LRRK1: variants seen among roughly 807,000 people sequenced by gnomAD.
LRRK1 encodes leucine-rich repeat serine/threonine-protein kinase 1.
Under a neutral mutation model 209.1 loss-of-function variants are expected in LRRK1, and 113 were observed. That is an observed-to-expected ratio of 0.54 (90% confidence interval 0.46 to 0.63). The LOEUF (loss-of-function observed/expected upper bound fraction) is 0.63, where lower values mean the gene tolerates loss of function less well. Ranked by LOEUF, LRRK1 falls within the 30% of genes least tolerant of loss-of-function variation. The pLI is 0.00. For missense variants in LRRK1, 2,284 were observed against 2,632.2 expected, an observed-to-expected ratio of 0.87 and a Z score of 2.89; for synonymous variants, 1,144 against 1,099.7, an observed-to-expected ratio of 1.04 and a Z score of -0.80.
chr15:101,010,927 A>G (rs1377828769), intron 9 of LRRK1, 90 bp downstream of exon 9: 2 of 1,253,388 alleles, frequency 1.6e-6, no homozygotes, highest in Admixed American at 2.4e-5. Flanking sequence ...ATGTCAGTTC[A>G]TCCCCTCAGC....
rs1256539031 is a variant in LRRK1 at position 100,941,460 on chromosome 15, G to GTC, written c.97+16735_97+16736dup. On this transcript the variant is annotated intron_variant, in intron 2 of 33. Transcript: ENST00000388948. ...TGTGTGTGTGTCTGTGTGTGTCTAT[G>GTC]TCTCTGTGTGTGTGTGTGTGTGTGT... Among the ~76,000 whole-genome samples, 17 of 74,674 alleles carry GTC rather than the reference G, an allele frequency of 2.3e-4. 1 individual carries two copies. Among genetic ancestry groups the GTC allele is most frequent in the South Asian group, 1.4e-3 (3 of 2,218 alleles). 49.0% of individuals were successfully genotyped at this position (74,674 alleles called of 152,430 possible).
At chr15:100,979,345 A>G (rs1220744856) in intron 3 of LRRK1, among the ~76,000 whole-genome samples, 2 of 152,204 alleles carry the variant, frequency 1.3e-5, no homozygotes. Context: ...CATTCTCAAT[A>G]TAATACTGCA....
At chr15:100,992,547 G>A (rs2032201090) in intron 6 of LRRK1, among the ~76,000 whole-genome samples, 1 of 152,166 alleles carries the variant, frequency 6.6e-6, no homozygotes. Context: ...ACAAGGAACT[G>A]TCAAGGAACT....
chr15:101,044,639 TTC>T lies in LRRK1; in HGVS notation c.2964-1340_2964-1339del, dbSNP rs1216219177. Among the ~76,000 whole-genome samples, 11 of 152,328 alleles carry T rather than the reference TTC, an allele frequency of 7.2e-5. 1 individual carries two copies. The highest frequency in any genetic ancestry group is 5.9e-4 in the Admixed American group (9 of 15,304). On this transcript the variant is annotated intron_variant, in intron 20 of 33. Coordinates refer to ENST00000388948, the MANE Select transcript of LRRK1 (RefSeq NM_024652.6). ...CCTCAAAAACATCATGGAGCACCTC[TTC>T]TGTGTGCCACCGCACATCGTGCTGG...
At chr15:100,972,355 AGAGAGAGAGTGTGTGTGTGTGTGT>A (rs1412205999) in intron 2 of LRRK1, among the ~76,000 whole-genome samples, 4,228 of 134,124 alleles carry the variant, frequency 0.032, 83 homozygotes, top group South Asian at 0.065. Flanking sequence ...AGAGAGAGAG[AGAGAGAGAGTGTGTGTGTGTGTGT>A]GTGTGTGTGT....
rs1369548002 is a variant in LRRK1 at position 101,022,676 on chromosome 15, G to C, written c.2067+79G>C. On this transcript the variant is annotated intron_variant, in intron 15 of 33. Coordinates refer to ENST00000388948, the MANE Select transcript of LRRK1 (RefSeq NM_024652.6). This position sits in a 1 kb window ranked among gnomAD's most constrained non-coding sequence, Gnocchi z 4.0. Reference sequence around the variant, plus strand: ...ACTCCTTCTCCCTTCTCCCCAGAGAGCCCAGGATTTTCTCAGCCTGGTGTC... The same window carrying C: ...ACTCCTTCTCCCTTCTCCCCAGAGACCCCAGGATTTTCTCAGCCTGGTGTC... 1.9e-6 allele frequency: 2 copies of C among 1,072,018 alleles called. No homozygotes were observed. The highest frequency in any genetic ancestry group is 2.7e-6 in the Non-Finnish European group (2 of 750,448). 66.4% of individuals were successfully genotyped at this position (1,072,018 alleles called of 1,614,324 possible). A position where few individuals can be genotyped will look rare whatever the true frequency, so the allele number is the denominator to read the frequency against.
Position 101,013,406 on chromosome 15 carries a change from G to A in LRRK1, c.1420-910G>A, listed in dbSNP as rs893164702. Among the ~76,000 whole-genome samples, 5 of 152,098 alleles carry A rather than the reference G, an allele frequency of 3.3e-5. No individual in the cohort carries two copies. The South Asian group carries it at 1.0e-3, about 32-fold the overall frequency. On this transcript the variant is annotated intron_variant, in intron 10 of 33. Coordinates refer to ENST00000388948, the MANE Select transcript of LRRK1 (RefSeq NM_024652.6). The stretch of plus-strand genomic sequence containing the variant: ...TGGCTGTGGTGATGTCCTCAAGCAG[G>A]GAGATAGCATGTCTAAGGTACTCCT...
At chr15:100,958,261 C>A (rs1286179435) in intron 2 of LRRK1, among the ~76,000 whole-genome samples, 5 of 152,182 alleles carry the variant, frequency 3.3e-5, no homozygotes, top group African/African-American at 7.2e-5. Context: ...AGGGAACTAT[C>A]AGAGTAAACA....
intron 2 of LRRK1, among the ~76,000 whole-genome samples, chr15:100,938,598 C>T (rs1567188917): frequency 6.6e-6 from 1 of 151,770 alleles, no homozygotes. Flanking sequence ...AATCTGCATC[C>T]ATGTAAACCC....
chr15:101,054,722 G>T (rs1204563609), intron 26 of LRRK1, among the ~76,000 whole-genome samples: 1 of 152,168 alleles, frequency 6.6e-6, no homozygotes, highest in Non-Finnish European at 1.5e-5. Context: ...TGAGGCAGGA[G>T]AACTGCTTGA....
chr15:101,037,766 A>T (rs1179717111), intron 20 of LRRK1, among the ~76,000 whole-genome samples: 2 of 152,160 alleles, frequency 1.3e-5, no homozygotes. Context: ...GGGCTCCCGG[A>T]CAGTACACAG....
chr15:100,996,627 G>T (rs1006849136), intron 6 of LRRK1, among the ~76,000 whole-genome samples: 9 of 152,216 alleles, frequency 5.9e-5, no homozygotes, highest in African/African-American at 1.4e-4. Context: ...CTGTGGAATA[G>T]GAGACAAATG....
chr15:100,990,693 G>A (rs1038307964), intron 6 of LRRK1, among the ~76,000 whole-genome samples: 4 of 129,468 alleles, frequency 3.1e-5, no homozygotes, highest in Non-Finnish European at 6.2e-5. Flanking sequence ...CTAAAGGATT[G>A]TTTGTCTTTT....
chr15:101,027,905 T>C lies in LRRK1; in HGVS notation c.2686+108T>C. The C allele has an allele frequency of 9.8e-7, 1 of 1,018,608 alleles. No individual in the cohort carries two copies. The highest frequency in any genetic ancestry group is 1.4e-6 in the Non-Finnish European group (1 of 708,054). The allele number at this position is 1,018,608 out of a possible 1,614,324, so 63.1% of individuals were successfully genotyped here. On this transcript the variant is annotated intron_variant, in intron 19 of 33. Coordinates refer to ENST00000388948, the MANE Select transcript of LRRK1 (RefSeq NM_024652.6). The surrounding 1 kb of genome is among the most constrained non-coding windows in gnomAD (Gnocchi z 5.1). The stretch of plus-strand genomic sequence containing the variant: ...ATGAATGAGAGACCGACACCCAGCC[T>C]GCGTTTCTGCCTTCCATCCCCCTCC...
intron 33 of LRRK1, among the ~76,000 whole-genome samples, 155 bp downstream of exon 33, chr15:101,066,896 G>A (rs2036559158): frequency 6.6e-6 from 1 of 152,210 alleles, no homozygotes; most frequent in African/African-American, 2.4e-5. Context: ...AACAAGATGG[G>A]GCCCCTCAGA....
intron 2 of LRRK1, 146 bp from the exon 3 acceptor site, chr15:100,973,658 G>A (rs2031092516): frequency 1.2e-6 from 1 of 825,464 alleles, no homozygotes. Context: ...AGCGCAGGGA[G>A]CGTCGCGGGG....
intron 2 of LRRK1, among the ~76,000 whole-genome samples, chr15:100,965,076 C>A (rs1009411621): frequency 1.3e-5 from 2 of 152,342 alleles, no homozygotes; most frequent in South Asian, 4.1e-4. Context: ...GAACAGTGAG[C>A]TGCCTGCCGT....
chr15:100,938,948 C>T (rs1008900102), intron 2 of LRRK1, among the ~76,000 whole-genome samples: 3 of 145,486 alleles, frequency 2.1e-5, no homozygotes, highest in South Asian at 2.3e-4. Context: ...AAAAAACTAG[C>T]GAGGCATGGT....
chr15:101,036,961 G>A lies in LRRK1; in HGVS notation c.2963+7729G>A, dbSNP rs182267115. ...GTGGGGAAGTTTTGCTGGGAACAGG[G>A]ATGCCAGGTGGGCCAGTCTTTGGGC... is the stretch of plus-strand genomic sequence containing the variant. On this transcript the variant is annotated intron_variant, in intron 20 of 33. Transcript: ENST00000388948. Among the ~76,000 whole-genome samples the A allele has an allele frequency of 3.6e-3, 552 of 152,328 alleles. 2 individuals are homozygous for A. Among genetic ancestry groups the A allele is most frequent in the African/African-American group, 0.013 (535 of 41,570 alleles).
Sources: gnomAD v4.1 joint callset for allele counts (sites outside exome capture counted in the v4.1 genomes callset) on GRCh38, gnomAD v4.1.1 for gene constraint, Gnocchi (gnomAD v3.1) non-coding constraint, MANE v1.5 for transcripts, NCBI Gene and HGNC (gene_info 2026-07-23, HGNC 2026-07-21) for gene names.